The following KIF6 variants were observed in gnomAD, a reference collection of about 807,000 sequenced individuals.
KIF6 encodes the protein kinesin family member 6, also known as kinesin-like protein KIF6.
A neutral mutation model predicts 112.7 loss-of-function variants in KIF6; 106 were observed. That is an observed-to-expected ratio of 0.94 (90% CI 0.80 to 1.11). The LOEUF is 1.11. Among genes scored for constraint, KIF6 ranks in the 50% least tolerant of loss-of-function variants. The probability of loss-of-function intolerance (pLI) is 0.00; values close to 1 mark genes in which losing one functional copy is unlikely to be tolerated. For missense variants in KIF6, 929 were observed against 964.0 expected (o/e 0.96, Z 0.48); for synonymous variants, 339 against 339.9 (o/e 1.00, Z 0.03).
intron 13 of KIF6, among the ~76,000 whole-genome samples, chr6:39,512,104 T>A (rs1160713165): frequency 1.3e-5 from 2 of 152,292 alleles, no homozygotes; most frequent in South Asian, 2.1e-4. Context: ...TAAAAATTTT[T>A]AAAAAAATTG....
chr6:39,512,154 G>A (rs899623184), intron 13 of KIF6, among the ~76,000 whole-genome samples: 6 of 152,140 alleles, frequency 3.9e-5, no homozygotes, highest in Non-Finnish European at 5.9e-5. Flanking sequence ...AGAGGCTGCC[G>A]GTATAAAGAA....
chr6:39,450,165 C>T lies in KIF6; in HGVS notation c.1646-19004G>A, dbSNP rs558264618. 1.4e-3 allele frequency among the ~76,000 whole-genome samples: 215 copies of T among 152,340 alleles called. 1 individual carries two copies. The highest frequency in any genetic ancestry group is 4.8e-3 in the African/African-American group (198 of 41,574). The stretch of plus-strand genomic sequence containing the variant: ...AGAGTTTCCATTTCTGAAAGTGACA[C>T]ATGAGAATCTTTGGAGACATCTATC... On this transcript the variant is annotated intron_variant, in intron 13 of 22. Transcript: ENST00000287152.
At chr6:39,596,335 T>C in intron 6 of KIF6, 75 bp from the exon 7 acceptor site, 1 of 1,033,666 alleles carries the variant, frequency 9.7e-7, no homozygotes, top group South Asian at 1.4e-5. Flanking sequence ...TTTAAAATAA[T>C]ATTTCTAGTG....
intron 15 of KIF6, among the ~76,000 whole-genome samples, chr6:39,391,011 C>A (rs1312877437): frequency 6.6e-6 from 1 of 152,178 alleles, no homozygotes; most frequent in East Asian, 1.9e-4. Flanking sequence ...CAGACATATT[C>A]ATGTCCCCCT....
intron 4 of KIF6, among the ~76,000 whole-genome samples, chr6:39,638,183 A>C (rs1784724806): frequency 6.6e-6 from 1 of 152,118 alleles, no homozygotes; most frequent in Non-Finnish European, 1.5e-5. Context: ...GATCATAACT[A>C]TCATGTATTG....
chr6:39,609,303 C>T (rs539253716), intron 6 of KIF6, among the ~76,000 whole-genome samples: 25 of 152,250 alleles, frequency 1.6e-4, no homozygotes, highest in Admixed American at 1.4e-3. Flanking sequence ...TTCCCAAAGT[C>T]GGCACCGAGT....
chr6:39,527,808 C>T (rs1413965948), intron 13 of KIF6, among the ~76,000 whole-genome samples: 1 of 152,102 alleles, frequency 6.6e-6, no homozygotes, highest in Non-Finnish European at 1.5e-5. Context: ...AGACTTTGCT[C>T]ATATTATTCT....
intron 13 of KIF6, among the ~76,000 whole-genome samples, chr6:39,539,003 T>G (rs28461345): frequency 1.5e-5 from 2 of 136,772 alleles, no homozygotes; most frequent in African/African-American, 5.5e-5. Flanking sequence ...CACTCATAGG[T>G]GGGAATTGAA....
chr6:39,385,590 A>G, intron 16 of KIF6, 32 bp downstream of exon 16: 1 of 1,573,392 alleles, frequency 6.4e-7, no homozygotes, highest in Non-Finnish European at 8.7e-7. Flanking sequence ...TATTACCTTC[A>G]TCCTCTTCCT....
intron 10 of KIF6, 67 bp downstream of exon 10, chr6:39,577,989 G>C: frequency 9.4e-7 from 1 of 1,068,344 alleles, no homozygotes; most frequent in South Asian, 1.3e-5. Flanking sequence ...ATAACATTAG[G>C]GCCAACAAAG....
chr6:39,494,458 A>G (rs1278922510), intron 13 of KIF6, among the ~76,000 whole-genome samples: 1 of 152,206 alleles, frequency 6.6e-6, no homozygotes, highest in Non-Finnish European at 1.5e-5. Flanking sequence ...AACCATAGGC[A>G]TTTTTGGAGC....
intron 13 of KIF6, among the ~76,000 whole-genome samples, chr6:39,477,286 C>T (rs1049740344): frequency 6.6e-6 from 1 of 152,108 alleles, no homozygotes; most frequent in African/African-American, 2.4e-5. Flanking sequence ...GAAAAATCCC[C>T]AAACAGGGCA....
At chr6:39,618,193 A>G (rs901862172) in intron 5 of KIF6, among the ~76,000 whole-genome samples, 4 of 152,208 alleles carry the variant, frequency 2.6e-5, no homozygotes, top group Non-Finnish European at 5.9e-5. Context: ...TGACCTAGAC[A>G]AAATGGGCTA....
chr6:39,591,906 ATGGAGACCATCC>A (rs1169377002), intron 7 of KIF6, among the ~76,000 whole-genome samples: 1 of 152,084 alleles, frequency 6.6e-6, no homozygotes, highest in Non-Finnish European at 1.5e-5. Context: ...AGGTCAGGAG[ATGGAGACCATCC>A]TGGCTAACAT....
chr6:39,424,478 T>C (rs1770620008), intron 14 of KIF6, among the ~76,000 whole-genome samples: 1 of 152,204 alleles, frequency 6.6e-6, no homozygotes, highest in Non-Finnish European at 1.5e-5. Flanking sequence ...GGCTTGCACC[T>C]AGTAAGCATT....
chr6:39,525,906 C>T (rs142452815), intron 13 of KIF6, among the ~76,000 whole-genome samples: 48 of 152,266 alleles, frequency 3.2e-4, no homozygotes, highest in African/African-American at 9.1e-4. Context: ...ATTCCCCCTA[C>T]AACTAGATGG....
intron 17 of KIF6, 34 bp downstream of exon 17, chr6:39,362,400 G>A (rs752571227): frequency 3.2e-6 from 5 of 1,542,362 alleles, no homozygotes; most frequent in Non-Finnish European, 4.5e-6. Flanking sequence ...TGGGAGGCTG[G>A]GCTCGGACTG....
intron 15 of KIF6, among the ~76,000 whole-genome samples, chr6:39,415,461 T>C (rs1469158271): frequency 6.6e-6 from 1 of 152,202 alleles, no homozygotes; most frequent in Non-Finnish European, 1.5e-5. Context: ...TTAAATGAGA[T>C]AACATAGGTC....
intron 13 of KIF6, among the ~76,000 whole-genome samples, chr6:39,454,871 G>T (rs369891708): frequency 6.6e-6 from 1 of 152,016 alleles, no homozygotes; most frequent in Admixed American, 6.6e-5. Flanking sequence ...AGGGTCCTAC[G>T]CCCACCGAAT....
Sources: allele counts gnomAD v4.1 joint callset (sites outside exome capture counted in the v4.1 genomes callset), GRCh38; gene constraint gnomAD v4.1.1; transcripts MANE v1.5; gene names NCBI Gene and HGNC (gene_info 2026-07-23, HGNC 2026-07-21).